YWHAG: variants seen among roughly 807,000 people sequenced by gnomAD.
YWHAG encodes the protein 14-3-3 protein gamma.
A neutral mutation model predicts 23.3 loss-of-function variants in YWHAG; 1 was observed. That is an observed-to-expected ratio of 0.04 (90% CI 0.02 to 0.20). The LOEUF is 0.20. YWHAG is among the 10% of genes least tolerant of loss of function. The pLI is 1.00. For missense variants in YWHAG, 151 were observed against 338.6 expected, an observed-to-expected ratio of 0.45 and a Z score of 4.35; for synonymous variants, 160 against 144.0, an observed-to-expected ratio of 1.11 and a Z score of -0.80.
chr7:76,347,305 C>G (rs1388159346), intron 1 of YWHAG, among the ~76,000 whole-genome samples: 1 of 152,156 alleles, frequency 6.6e-6, no homozygotes, highest in Admixed American at 6.5e-5. Flanking sequence ...CATCCAAATA[C>G]TCAAATGTCT....
Position 76,329,573 on chromosome 7 carries a change from G to C in YWHAG, c.*4C>G. On this transcript the variant is annotated 3_prime_UTR_variant, in exon 2 of 2. Transcript: ENST00000307630. This position sits in a 1 kb window ranked among gnomAD's most constrained non-coding sequence, Gnocchi z 6.1. ...CCGCGTGCGCTGCCAGTTCCCCTGG[G>C]GCCTTAATTGTTGCCTTCGCCGCCA... 6.2e-7 allele frequency: 1 copy of C among 1,601,798 alleles called. No homozygotes were observed. The highest frequency in any genetic ancestry group is 8.5e-7 in the Non-Finnish European group (1 of 1,171,606).
intron 1 of YWHAG, among the ~76,000 whole-genome samples, chr7:76,349,615 G>GT (rs1173135962): frequency 6.6e-6 from 1 of 152,172 alleles, no homozygotes; most frequent in Non-Finnish European, 1.5e-5. Context: ...TACATTCTAT[G>GT]TAAGTTGTAA....
intron 1 of YWHAG, among the ~76,000 whole-genome samples, chr7:76,346,212 C>T (rs1342589822): frequency 6.6e-6 from 1 of 152,198 alleles, no homozygotes; most frequent in Non-Finnish European, 1.5e-5. Flanking sequence ...TTTCCTGAGG[C>T]TCTCCTCCCC....
intron 1 of YWHAG, among the ~76,000 whole-genome samples, chr7:76,355,517 G>A (rs1583996035): frequency 6.6e-6 from 1 of 152,092 alleles, no homozygotes; most frequent in Non-Finnish European, 1.5e-5. Flanking sequence ...CCCAAGAAGA[G>A]AACAATTCAA....
intron 1 of YWHAG, among the ~76,000 whole-genome samples, chr7:76,332,795 C>G (rs182038023): frequency 3.3e-5 from 5 of 152,110 alleles, no homozygotes; most frequent in East Asian, 3.9e-4. Context: ...CAACCTCCCC[C>G]CAAGTTCAAG....
rs1406836939 is a variant in YWHAG, at chr7:76,329,883, C to A, written c.438G>T (p.Val146=). Residue 146 remains valine (V), a synonymous_variant, in exon 2 of 2, where the codon GTG becomes GTT. Transcript: ENST00000307630. This position sits in a 1 kb window ranked among gnomAD's most constrained non-coding sequence, Gnocchi z 6.1. ...EVATGEKRAT[V]VESSEKAYSE... is the part of the protein sequence containing the mutation. ...TGTAGGCCTTCTCGGAGGACTCCAC[C>A]ACCGTCGCCCTTTTCTCTCCGGTGG... 1.9e-6 allele frequency: 3 copies of A among 1,613,928 alleles called. No individual in the cohort carries two copies. The African/African-American group carries it at 4.0e-5, about 22-fold the overall frequency.
chr7:76,336,908 G>A (rs960781030), intron 1 of YWHAG, among the ~76,000 whole-genome samples: 2 of 152,094 alleles, frequency 1.3e-5, no homozygotes, highest in African/African-American at 4.8e-5. Context: ...AATAGAAACA[G>A]AAAGAATGAG....
intron 1 of YWHAG, among the ~76,000 whole-genome samples, chr7:76,343,403 T>G (rs563552605): frequency 6.6e-6 from 1 of 152,322 alleles, no homozygotes; most frequent in Admixed American, 6.5e-5. Flanking sequence ...CTCTCTCTGC[T>G]TCTTCACATT....
At chr7:76,333,485 G>C (rs1387659757) in intron 1 of YWHAG, among the ~76,000 whole-genome samples, 1 of 152,224 alleles carries the variant, frequency 6.6e-6, no homozygotes, top group Non-Finnish European at 1.5e-5. Context: ...CTTCATTTTA[G>C]TTCTCACCAC....
At chr7:76,336,667 G>A (rs1488125520) in intron 1 of YWHAG, among the ~76,000 whole-genome samples, 1 of 151,800 alleles carries the variant, frequency 6.6e-6, no homozygotes, top group Non-Finnish European at 1.5e-5. Context: ...CGTTGGCCAG[G>A]CTGGTCTCGA....
chr7:76,344,521 T>C (rs898747685), intron 1 of YWHAG, among the ~76,000 whole-genome samples: 2 of 152,150 alleles, frequency 1.3e-5, no homozygotes, highest in Non-Finnish European at 2.9e-5. Context: ...AAAAACCCTA[T>C]TCCAAAATTA....
At chr7:76,349,337 C>CA (rs35871141) in intron 1 of YWHAG, among the ~76,000 whole-genome samples, 24,137 of 118,756 alleles carry the variant, frequency 0.2, 2,526 homozygotes, top group East Asian at 0.34. Flanking sequence ...GACTCTGTCT[C>CA]AAAAAAAAAA....
At chr7:76,335,513 T>C (rs947405298) in intron 1 of YWHAG, among the ~76,000 whole-genome samples, 4 of 152,248 alleles carry the variant, frequency 2.6e-5, no homozygotes, top group African/African-American at 7.2e-5. Context: ...TATTTTCCCC[T>C]AAGAGTTGAT....
chr7:76,358,696 G>A (rs1421088907), intron 1 of YWHAG, 26 bp downstream of exon 1: 14 of 1,538,404 alleles, frequency 9.1e-6, no homozygotes, highest in Admixed American at 3.8e-5. Context: ...GGCAGGGAGC[G>A]GCGGGGGAGG....
intron 1 of YWHAG, among the ~76,000 whole-genome samples, chr7:76,351,402 A>T (rs1271676572): frequency 6.6e-6 from 1 of 152,058 alleles, no homozygotes; most frequent in Non-Finnish European, 1.5e-5. Context: ...TTTTCAACCT[A>T]GTAGGAAAAA....
At chr7:76,355,026 A>G (rs1312485863) in intron 1 of YWHAG, among the ~76,000 whole-genome samples, 1 of 152,178 alleles carries the variant, frequency 6.6e-6, no homozygotes, top group East Asian at 1.9e-4. Flanking sequence ...TGTTGTGGGC[A>G]CTCCATTATC....
chr7:76,358,371 G>A (rs1803994242), intron 1 of YWHAG, among the ~76,000 whole-genome samples: 1 of 152,164 alleles, frequency 6.6e-6, no homozygotes, highest in African/African-American at 2.4e-5. Flanking sequence ...GAGGAGGGGG[G>A]AAGTGGGGCA....
At position 76,358,876 on chromosome 7, in the gene YWHAG, G is replaced by A; in HGVS notation, c.-68C>T. On this transcript the variant is annotated 5_prime_UTR_variant, in exon 1 of 2. Coordinates refer to ENST00000307630, the MANE Select transcript of YWHAG (RefSeq NM_012479.4). Reference sequence around the variant, plus strand: ...GGGCGGCCTGAAGGGCTTGGAGGGCGCGACTGGAGCCCAAGTGCCGGAGAG... The same window carrying A: ...GGGCGGCCTGAAGGGCTTGGAGGGCACGACTGGAGCCCAAGTGCCGGAGAG... 6.9e-7 allele frequency: 1 copy of A among 1,449,376 alleles called. No homozygotes were observed. The highest frequency in any genetic ancestry group is 2.7e-5 in the East Asian group (1 of 36,604). The allele number at this position is 1,449,376 out of a possible 1,614,324, so 89.8% of individuals were successfully genotyped here.
At chr7:76,335,345 C>T (rs1457180960) in intron 1 of YWHAG, among the ~76,000 whole-genome samples, 12 of 152,114 alleles carry the variant, frequency 7.9e-5, no homozygotes, top group South Asian at 2.1e-4. Flanking sequence ...CGTGAGCCAC[C>T]GCGCCCGGCC....
Sources: gnomAD v4.1 joint callset for allele counts (sites outside exome capture counted in the v4.1 genomes callset) on GRCh38, gnomAD v4.1.1 for gene constraint, Gnocchi (gnomAD v3.1) non-coding constraint, MANE v1.5 for transcripts, NCBI Gene and HGNC (gene_info 2026-07-23, HGNC 2026-07-21) for gene names.